TXNL4A: variants seen among roughly 807,000 people sequenced by gnomAD.
The protein encoded by TXNL4A is thioredoxin-like protein 4A.
In TXNL4A, 17 loss-of-function variants were observed where a neutral mutation model predicts 14.6. The observed-to-expected ratio is 1.16, with a 90% CI of 0.80 to 1.74. The LOEUF (loss-of-function observed/expected upper bound fraction) is 1.74. TXNL4A is among the 40% of genes most tolerant of loss of function. The pLI is 0.00. For synonymous variants in TXNL4A, 83 were observed against 70.6 expected (o/e 1.18, Z -0.88); for missense variants, 74 against 195.2 (o/e 0.38, Z 3.70).
chr18:79,987,878 A>G (rs78537514), intron 1 of TXNL4A, among the ~76,000 whole-genome samples: 1,856 of 152,402 alleles, frequency 0.012, 9 homozygotes, highest in Non-Finnish European at 0.021. Context: ...TACCAAAAAA[A>G]GACGTCCTTT....
rs2051396377 is a variant in TXNL4A at position 79,977,486 on chromosome 18, A to G, written c.257+112T>C. The G allele has an allele frequency of 4.6e-6, 4 of 864,886 alleles. No individual in the cohort carries two copies. The South Asian group carries it at 6.1e-5, about 13-fold the overall frequency. The allele number at this position is 864,886 out of a possible 1,614,324, so 53.6% of individuals were successfully genotyped here. On this transcript the variant is annotated intron_variant, in intron 2 of 2. Transcript: ENST00000269601. ...CTGGTGATACAAACGATTTTGGGAC[A>G]TGACTGTACAACCAACTTCCTTCAA...
Position 79,971,645 on chromosome 18 carries a change from T to A in TXNL4A, c.*2040A>T, listed in dbSNP as rs998927742. 1.3e-5 allele frequency: 2 copies of A among 152,264 alleles called. No individual in the cohort carries two copies. Among genetic ancestry groups the A allele is most frequent in the Admixed American group, 1.3e-4 (2 of 15,292 alleles). The allele number at this position is 152,264 out of a possible 1,614,324, so 9.4% of individuals were successfully genotyped here. A position where few individuals can be genotyped will look rare whatever the true frequency, so the allele number is the denominator to read the frequency against. On this transcript the variant is annotated 3_prime_UTR_variant, in exon 3 of 3. Coordinates refer to ENST00000269601, the MANE Select transcript of TXNL4A (RefSeq NM_006701.5). ...TGCACCCGGCCCATGTTTAACTTTT[T>A]GACGACCTGCCTGCCTGTGTTACCA...
chr18:79,985,975 C>T (rs559150996), intron 1 of TXNL4A: 3 of 152,036 alleles, frequency 2.0e-5, no homozygotes, highest in Non-Finnish European at 2.9e-5. Flanking sequence ...ATTAGGAAGT[C>T]ATATTTGCCC....
chr18:80,033,694 G>A lies in TXNL4A; in HGVS notation c.-61+157C>T, dbSNP rs923063542. ...TTAAACAAAACGTGTTCCTAGCTAC[G>A]CAGCGCCAGGCAACCAGGCGGTTCC... On this transcript the variant is annotated intron_variant, in intron 1 of 2. Transcript: ENST00000585474. Among the ~76,000 whole-genome samples, 48 of 152,216 alleles carry A rather than the reference G, an allele frequency of 3.2e-4. 1 individual carries two copies. Among genetic ancestry groups the A allele is most frequent in the Non-Finnish European group, 8.8e-5 (6 of 68,022 alleles).
rs1414232849 is a variant in TXNL4A at position 79,973,581 on chromosome 18, T to C, written c.*104A>G. 2 of 1,448,082 alleles carry C rather than the reference T, an allele frequency of 1.4e-6. No individual in the cohort carries two copies. Among genetic ancestry groups the C allele is most frequent in the African/African-American group, 1.4e-5 (1 of 70,270 alleles). The allele number at this position is 1,448,082 out of a possible 1,614,324, so 89.7% of individuals were successfully genotyped here. On this transcript the variant is annotated 3_prime_UTR_variant, in exon 3 of 3. Transcript: ENST00000269601. ...GTTATCAATTCCATCTCAGAGGTGC[T>C]CCAGCCCTGGAGCTTCCTGTATTTT...
In TXNL4A at chr18:79,988,510, C is replaced by T. The variant is rs1192318810; in HGVS notation, c.-118G>A. ...CGCCCCCGGGCCCACGGACGAAATC[C>T]GGTCCCGCCCGCACACGCAAACTCC... On this transcript the variant is annotated 5_prime_UTR_variant, in exon 1 of 3. Coordinates refer to ENST00000269601, the MANE Select transcript of TXNL4A (RefSeq NM_006701.5). 7 of 1,135,060 alleles carry T rather than the reference C, an allele frequency of 6.2e-6. No individual in the cohort carries two copies. The highest frequency in any genetic ancestry group is 7.8e-6 in the Non-Finnish European group (7 of 893,650). 70.3% of individuals were successfully genotyped at this position (1,135,060 alleles called of 1,614,324 possible). A position where few individuals can be genotyped will look rare whatever the true frequency, so the allele number is the denominator to read the frequency against.
chr18:80,006,196 C>T (rs938884129), intron 1 of TXNL4A, among the ~76,000 whole-genome samples: 2 of 151,908 alleles, frequency 1.3e-5, no homozygotes, highest in African/African-American at 4.8e-5. Context: ...CCAGCCTGGC[C>T]AATATGGTGA....
rs1610805 is a variant in TXNL4A, at chr18:79,997,845, G to C, written c.-60-20144C>G. On this transcript the variant is annotated intron_variant, in intron 1 of 2. Coordinates refer to the TXNL4A transcript ENST00000585474. The stretch of plus-strand genomic sequence containing the variant: ...AAAGTGTCCAAAGACAAACTTCAGC[G>C]ATGCTTGCTGCAAGTTAAGCATTTG... 8.7e-3 allele frequency among the ~76,000 whole-genome samples: 1,320 copies of C among 152,306 alleles called. 16 individuals are homozygous for C. Among genetic ancestry groups the C allele is most frequent in the African/African-American group, 0.03 (1,235 of 41,560 alleles).
chr18:80,020,258 C>T (rs2051839813), intron 1 of TXNL4A, among the ~76,000 whole-genome samples: 2 of 152,152 alleles, frequency 1.3e-5, no homozygotes, highest in African/African-American at 4.8e-5. Flanking sequence ...TTCAGGTTCT[C>T]CAGTTTCCTC....
chr18:79,993,547 A>G (rs145949802), upstream of TXNL4A, among the ~76,000 whole-genome samples: 674 of 152,280 alleles, frequency 4.4e-3, 7 homozygotes, highest in Admixed American at 0.016. This position sits in a 1 kb window ranked among gnomAD's most constrained non-coding sequence, Gnocchi z 4.4. Context: ...CTCAGAAGTC[A>G]TATAATTTGC....
chr18:79,981,213 T>C (rs973033600), intron 1 of TXNL4A, among the ~76,000 whole-genome samples: 1 of 152,246 alleles, frequency 6.6e-6, no homozygotes, highest in Non-Finnish European at 1.5e-5. Flanking sequence ...GGAATCACCA[T>C]GCAAATAATA....
intron 2 of TXNL4A, among the ~76,000 whole-genome samples, chr18:79,975,594 A>G (rs759142854): frequency 1.2e-4 from 18 of 152,168 alleles, no homozygotes; most frequent in Non-Finnish European, 2.2e-4. Context: ...GAGGGGCAAA[A>G]TAGAAAAGGC....
intron 1 of TXNL4A, among the ~76,000 whole-genome samples, chr18:80,033,406 G>C (rs1177979247): frequency 6.6e-6 from 1 of 152,326 alleles, no homozygotes; most frequent in East Asian, 1.9e-4. Flanking sequence ...TCCACGCCCG[G>C]GGGGAGCAGC....
chr18:80,020,300 C>G (rs1435296543), intron 1 of TXNL4A, among the ~76,000 whole-genome samples: 2 of 152,182 alleles, frequency 1.3e-5, no homozygotes, highest in African/African-American at 2.4e-5. Flanking sequence ...CAGGCCAGGA[C>G]AGGTCTTTAA....
At chr18:79,984,387 A>G (rs942337825) in intron 1 of TXNL4A, among the ~76,000 whole-genome samples, 4 of 98,880 alleles carry the variant, frequency 4.0e-5, no homozygotes, top group Non-Finnish European at 9.0e-5. Flanking sequence ...TGAGGACAGG[A>G]GTTTGAGACC....
At chr18:80,005,125 A>C (rs1226591766) in intron 1 of TXNL4A, among the ~76,000 whole-genome samples, 1 of 152,236 alleles carries the variant, frequency 6.6e-6, no homozygotes, top group Non-Finnish European at 1.5e-5. Flanking sequence ...GATGGTTAAC[A>C]CGAGAGTCTC....
At chr18:79,992,238 G>A (rs1020398968), upstream of TXNL4A, among the ~76,000 whole-genome samples, 27 of 152,208 alleles carry the variant, frequency 1.8e-4, no homozygotes, top group African/African-American at 6.3e-4. Context: ...AAATGATAAG[G>A]TGGTTTTCAT....
intron 1 of TXNL4A, among the ~76,000 whole-genome samples, chr18:80,021,683 C>T (rs888914736): frequency 9.9e-5 from 15 of 152,216 alleles, no homozygotes; most frequent in African/African-American, 3.1e-4. Flanking sequence ...CTGCATTTCC[C>T]ACTGGGTTTC....
intron 1 of TXNL4A, among the ~76,000 whole-genome samples, chr18:80,015,574 A>G (rs1431568323): frequency 6.8e-6 from 1 of 147,024 alleles, no homozygotes; most frequent in African/African-American, 2.5e-5. Context: ...ATGTGTTCTC[A>G]TGGTTTAATT....
Sources: allele counts gnomAD v4.1 joint callset (sites outside exome capture counted in the v4.1 genomes callset), GRCh38; gene constraint gnomAD v4.1.1; non-coding constraint Gnocchi (gnomAD v3.1); transcripts MANE v1.5; gene names NCBI Gene and HGNC (gene_info 2026-07-23, HGNC 2026-07-21).